The following ANKRD30B variants were observed in gnomAD, a reference collection of about 807,000 sequenced individuals.
ANKRD30B encodes the protein ankyrin repeat domain 30B.
A neutral mutation model predicts 202.2 loss-of-function variants in ANKRD30B; 144 were observed. The observed-to-expected ratio is 0.71, with a 90% CI of 0.62 to 0.82. The LOEUF (loss-of-function observed/expected upper bound fraction) is 0.82, where lower values mean the gene tolerates loss of function less well. Ranked by LOEUF, ANKRD30B falls within the 40% of genes least tolerant of loss-of-function variation. The probability of loss-of-function intolerance (pLI) is 0.00; values close to 1 mark genes in which losing one functional copy is unlikely to be tolerated. For synonymous variants in ANKRD30B, 508 were observed against 561.3 expected (o/e 0.91, Z 1.34); for missense variants, 1,487 against 1,669.1 (o/e 0.89, Z 1.90).
intron 34 of ANKRD30B, among the ~76,000 whole-genome samples, chr18:14,832,000 T>G (rs1316660721): frequency 6.6e-6 from 1 of 152,116 alleles, no homozygotes. Context: ...ATCATGTAGT[T>G]TTTAGGAGAG....
Position 14,755,005 on chromosome 18 carries a change from G to C in ANKRD30B, c.617G>C (p.Cys206Ser), listed in dbSNP as rs1293578243. 2.1e-6 allele frequency: 3 copies of C among 1,458,802 alleles called. No homozygotes were observed. 90.4% of individuals were successfully genotyped at this position (1,458,802 alleles called of 1,614,324 possible). A position where few individuals can be genotyped will look rare whatever the true frequency, so the allele number is the denominator to read the frequency against. Reference protein sequence around the residue: ...ANANAFNESKCTALMLAICEG... With the variant: ...ANANAFNESKSTALMLAICEG... Reference sequence around the variant, plus strand: ...GCAAACGCATTTAATGAGTCTAAATGGTATGGTAGTTCTTTTTTTTTACTA... The same window carrying C: ...GCAAACGCATTTAATGAGTCTAAATCGTATGGTAGTTCTTTTTTTTTACTA... The change falls in exon 4 of 44, where the codon TGC becomes TCC. Residue 206 changes from cysteine (C) to serine (S), a missense_variant and splice_region_variant. Physicochemically the swap from Cys to Ser is moderately radical, Grantham distance 112 (BLOSUM62 -1). This residue lies in a region of ANKRD30B where 889 missense variants were observed against 841.4 expected (regional missense o/e 1.06). Coordinates refer to ENST00000690538, the MANE Select transcript of ANKRD30B (RefSeq NM_001367607.2).
At chr18:14,940,074 A>G in the ANKRD30B span, among the ~76,000 whole-genome samples, 558 of 152,342 alleles carry the variant, frequency 3.7e-3, 2 homozygotes, top group African/African-American at 0.013. Flanking sequence ...TTGACTGTGC[A>G]GCAGAATCAC....
intron 34 of ANKRD30B, among the ~76,000 whole-genome samples, chr18:14,833,883 A>G (rs1455225925): frequency 6.6e-6 from 1 of 152,138 alleles, no homozygotes; most frequent in Admixed American, 6.5e-5. Context: ...TTTACCCCAG[A>G]CTTTTTTAAT....
chr18:14,924,388 G>C, the ANKRD30B span, among the ~76,000 whole-genome samples: 2 of 152,268 alleles, frequency 1.3e-5, no homozygotes, highest in East Asian at 3.9e-4. Flanking sequence ...ATTCACTTAT[G>C]GGGCATTTTT....
the ANKRD30B span, among the ~76,000 whole-genome samples, chr18:14,926,567 G>A: frequency 1.3e-5 from 2 of 152,174 alleles, no homozygotes; most frequent in Non-Finnish European, 2.9e-5. Flanking sequence ...AATTTATAAA[G>A]CTGGACAAGG....
intron 20 of ANKRD30B, among the ~76,000 whole-genome samples, chr18:14,798,092 A>G (rs1471284961): frequency 3.3e-5 from 5 of 152,212 alleles, no homozygotes; most frequent in Admixed American, 6.5e-5. Flanking sequence ...CTGCAATGCA[A>G]CGGGGCCTTG....
At chr18:14,913,479 A>G in the ANKRD30B span, among the ~76,000 whole-genome samples, 1 of 152,158 alleles carries the variant, frequency 6.6e-6, no homozygotes, top group Admixed American at 6.5e-5. Context: ...TATTAAGATA[A>G]TTTATTATAA....
the ANKRD30B span, among the ~76,000 whole-genome samples, chr18:14,867,993 G>A: frequency 6.6e-6 from 1 of 152,242 alleles, no homozygotes; most frequent in African/African-American, 2.4e-5. Flanking sequence ...GCCTGAATAT[G>A]GCACAGCTCT....
Position 14,796,420 on chromosome 18 carries a change from A to G in ANKRD30B, c.1927+5A>G. The G allele has an allele frequency of 1.3e-6, 2 of 1,542,286 alleles. No homozygotes were observed. The highest frequency in any genetic ancestry group is 1.7e-6 in the Non-Finnish European group (2 of 1,144,842). On this transcript the variant is annotated splice_donor_5th_base_variant and intron_variant, in intron 18 of 43. Coordinates refer to ENST00000690538, the MANE Select transcript of ANKRD30B (RefSeq NM_001367607.2). ...ACAGAGAAACATTCAAAGCAGGTAA[A>G]TTTTGTAATTTAACTTTTAATCTGT...
At chr18:14,769,406 T>G (rs1398881450) in intron 8 of ANKRD30B, 33 bp downstream of exon 8, 2 of 1,525,230 alleles carry the variant, frequency 1.3e-6, no homozygotes, top group Admixed American at 4.0e-5. Flanking sequence ...AACGAATAGG[T>G]TAACTCAGAA....
At chr18:14,793,432 C>A (rs554401281) in intron 16 of ANKRD30B, among the ~76,000 whole-genome samples, 3 of 152,090 alleles carry the variant, frequency 2.0e-5, no homozygotes, top group Non-Finnish European at 4.4e-5. Context: ...TTCTCAGTGT[C>A]ATGATTTGCT....
At position 14,805,806 on chromosome 18, in the gene ANKRD30B, CGT is replaced by C. The variant is rs1201065893; in HGVS notation, c.2284+1983_2284+1984del. ...GATCACTTATCTCCTCATCACTCAG[CGT>C]ATACATATTGGCATTAACATTTTTT... On this transcript the variant is annotated intron_variant, in intron 24 of 43. Transcript: ENST00000690538. Among the ~76,000 whole-genome samples the C allele has an allele frequency of 4.7e-5, 7 of 150,156 alleles. No homozygotes were observed. The East Asian group carries it at 1.4e-3, about 29-fold the overall frequency.
chr18:14,773,828 G>C (rs1414672920), intron 9 of ANKRD30B, among the ~76,000 whole-genome samples: 1 of 151,952 alleles, frequency 6.6e-6, no homozygotes, highest in Non-Finnish European at 1.5e-5. Flanking sequence ...GTTAATTTTT[G>C]TAATTTTAGT....
At chr18:14,930,715 C>T in the ANKRD30B span, among the ~76,000 whole-genome samples, 1 of 151,978 alleles carries the variant, frequency 6.6e-6, no homozygotes, top group African/African-American at 2.4e-5. Context: ...TGTCCACAGG[C>T]CCTATCCACT....
the ANKRD30B span, among the ~76,000 whole-genome samples, chr18:14,918,037 C>T: frequency 1.7e-3 from 256 of 152,240 alleles, 2 homozygotes; most frequent in Admixed American, 2.9e-3. Context: ...ATCCCTGGCA[C>T]CTGTAAGAAA....
At chr18:14,750,084 A>G (rs1192012228) in intron 1 of ANKRD30B, among the ~76,000 whole-genome samples, 1 of 152,130 alleles carries the variant, frequency 6.6e-6, no homozygotes, top group Non-Finnish European at 1.5e-5. Flanking sequence ...AAGCATTCTG[A>G]AGAGTAATTT....
the ANKRD30B span, among the ~76,000 whole-genome samples, chr18:14,928,567 C>T: frequency 9.2e-5 from 14 of 152,236 alleles, no homozygotes; most frequent in East Asian, 1.9e-3. Context: ...TCACTATCAG[C>T]GATCCTGTTC....
In ANKRD30B at chr18:14,748,392, G is replaced by C. The variant is rs114423543; in HGVS notation, c.-28G>C. The C allele has an allele frequency of 2.1e-6, 3 of 1,416,784 alleles. No homozygotes were observed. Among genetic ancestry groups the C allele is most frequent in the Admixed American group, 6.1e-5 (2 of 32,902 alleles). The allele number at this position is 1,416,784 out of a possible 1,614,324, so 87.8% of individuals were successfully genotyped here. A position where few individuals can be genotyped will look rare whatever the true frequency, so the allele number is the denominator to read the frequency against. On this transcript the variant is annotated 5_prime_UTR_variant, in exon 1 of 44. Coordinates refer to ENST00000690538, the MANE Select transcript of ANKRD30B (RefSeq NM_001367607.2). ...CTGGGGAAGGGCGAGCGGGAGGCGC[G>C]GGCTCTCTCTAGCAGGGGGCTGCAG... is the stretch of plus-strand genomic sequence containing the variant.
intron 16 of ANKRD30B, among the ~76,000 whole-genome samples, chr18:14,794,945 CTA>C (rs1968772520): frequency 6.6e-6 from 1 of 152,250 alleles, no homozygotes; most frequent in African/African-American, 2.4e-5. Context: ...AGATATATTT[CTA>C]TTTCAAAGAA....
Sources: allele counts gnomAD v4.1 joint callset (sites outside exome capture counted in the v4.1 genomes callset), GRCh38; gene constraint gnomAD v4.1.1; regional missense constraint gnomAD v4.1.1; transcripts MANE v1.5; gene names NCBI Gene and HGNC (gene_info 2026-07-23, HGNC 2026-07-21).